Variants in HSPA4L observed in about 807,000 individuals in gnomAD.
HSPA4L encodes heat shock 70 kDa protein 4L.
In HSPA4L, 48 loss-of-function variants were observed where a neutral mutation model predicts 100.3. That is an observed-to-expected ratio of 0.48 (90% CI 0.38 to 0.61). The LOEUF is 0.61. HSPA4L is among the 20% of genes least tolerant of loss of function. The pLI, the probability that HSPA4L is intolerant of heterozygous loss-of-function variation, is 0.00. For synonymous variants in HSPA4L, 319 were observed against 328.2 expected (o/e 0.97, Z 0.30); for missense variants, 886 against 988.6 (o/e 0.90, Z 1.39).
chr4:127,782,736 C>A, intron 1 of HSPA4L, 79 bp downstream of exon 1: 2 of 1,056,680 alleles, frequency 1.9e-6, no homozygotes, highest in Non-Finnish European at 2.7e-6. Context: ...CCTGTCTGCT[C>A]GCTTCCTCGG....
intron 3 of HSPA4L, among the ~76,000 whole-genome samples, chr4:127,796,720 G>A (rs771017236): frequency 2.6e-5 from 4 of 152,060 alleles, no homozygotes; most frequent in Non-Finnish European, 5.9e-5. Flanking sequence ...GATACAAAAG[G>A]CCACATACTG....
rs1451524843 is a variant in HSPA4L, at chr4:127,813,395, T to G, written c.1578+1759T>G. On this transcript the variant is annotated intron_variant, in intron 12 of 18. Coordinates refer to ENST00000296464, the MANE Select transcript of HSPA4L (RefSeq NM_014278.4). ...TCATTTAAGGACTGTGGCTTTTTCT[T>G]TCAATCTTTCCATGTATCATTTTGT... 7 of 505,634 alleles carry G rather than the reference T, an allele frequency of 1.4e-5. No individual in the cohort carries two copies. The Admixed American group carries it at 2.4e-4, about 17-fold the overall frequency. The allele number at this position is 505,634 out of a possible 1,614,324, so 31.3% of individuals were successfully genotyped here. A position where few individuals can be genotyped will look rare whatever the true frequency, so the allele number is the denominator to read the frequency against.
intron 12 of HSPA4L, chr4:127,812,795 T>C: frequency 2.1e-6 from 3 of 1,438,370 alleles, no homozygotes; most frequent in Non-Finnish European, 2.9e-6. Flanking sequence ...TGTGCTGCTC[T>C]GGGTGGAGCA....
chr4:127,813,399 A>G (rs1279318895), intron 12 of HSPA4L: 9 of 499,824 alleles, frequency 1.8e-5, no homozygotes, highest in East Asian at 3.2e-5. Flanking sequence ...TTTTCTTTCA[A>G]TCTTTCCATG....
chr4:127,783,723 T>G, intron 1 of HSPA4L: 1 of 1,477,786 alleles, frequency 6.8e-7, no homozygotes. Context: ...TGGTCCAAAA[T>G]ATAATACCTT....
At chr4:127,796,025 A>G (rs1733012926) in intron 3 of HSPA4L, 117 bp downstream of exon 3, 1 of 793,482 alleles carries the variant, frequency 1.3e-6, no homozygotes, top group African/African-American at 1.7e-5. Flanking sequence ...TACACACCGA[A>G]GAGATAGTAG....
intron 18 of HSPA4L, among the ~76,000 whole-genome samples, chr4:127,831,988 T>C (rs1734095596): frequency 6.6e-6 from 1 of 152,206 alleles, no homozygotes; most frequent in Non-Finnish European, 1.5e-5. Flanking sequence ...ATGTGGAGTG[T>C]GACAAGAGCA....
intron 18 of HSPA4L, among the ~76,000 whole-genome samples, chr4:127,831,478 T>C (rs1012334027): frequency 7.7e-6 from 1 of 129,122 alleles, no homozygotes; most frequent in African/African-American, 3.0e-5. Flanking sequence ...GCCAGCTGGG[T>C]GACAGAGCAA....
rs1335177637 is a variant in HSPA4L, at chr4:127,803,823, G to A, written c.858G>A (p.Leu286=). ...LMSANASDLP[L]NIECFMNDLD... is the part of the protein sequence containing the mutation. ...GTGCAAATGCATCAGATCTTCCATT[G>A]AACATTGAGTGTTTCATGAATGACC... Residue 286 remains leucine, a synonymous_variant, in exon 7 of 19, where the codon TTG becomes TTA. Coordinates refer to ENST00000296464, the MANE Select transcript of HSPA4L (RefSeq NM_014278.4). 6.2e-7 allele frequency: 1 copy of A among 1,613,738 alleles called. No homozygotes were observed. Among genetic ancestry groups the A allele is most frequent in the Non-Finnish European group, 8.5e-7 (1 of 1,179,774 alleles).
intron 2 of HSPA4L, among the ~76,000 whole-genome samples, chr4:127,794,346 T>A (rs1578692762): frequency 6.6e-6 from 1 of 152,076 alleles, no homozygotes; most frequent in South Asian, 2.1e-4. Flanking sequence ...AAAAATATTT[T>A]TTAGTTGTGA....
At chr4:127,828,698 T>C (rs989035371) in intron 17 of HSPA4L, among the ~76,000 whole-genome samples, 4 of 152,108 alleles carry the variant, frequency 2.6e-5, no homozygotes, top group African/African-American at 7.2e-5. Flanking sequence ...CCTGCTAATA[T>C]CAGTGTTCAA....
chr4:127,825,293 A>G (rs1733922274), intron 16 of HSPA4L, among the ~76,000 whole-genome samples: 1 of 152,168 alleles, frequency 6.6e-6, no homozygotes, highest in African/African-American at 2.4e-5. Flanking sequence ...AGGTGGGCCC[A>G]CTTTTAACAA....
rs1733536215 is a variant in HSPA4L at position 127,811,698 on chromosome 4, A to G, written c.1578+62A>G. 11 of 1,229,304 alleles carry G rather than the reference A, an allele frequency of 8.9e-6. No individual in the cohort carries two copies. The Admixed American group carries it at 1.8e-4, about 21-fold the overall frequency. The allele number at this position is 1,229,304 out of a possible 1,614,324, so 76.1% of individuals were successfully genotyped here. ...ATAGTGTATACAGTATATCTTAATC[A>G]TAACTGGGACTTTAATAGTTGAATA... On this transcript the variant is annotated intron_variant, in intron 12 of 18. Coordinates refer to ENST00000296464, the MANE Select transcript of HSPA4L (RefSeq NM_014278.4).
chr4:127,812,644 G>A lies in HSPA4L; in HGVS notation c.1578+1008G>A. The A allele has an allele frequency of 2.3e-5, 15 of 660,648 alleles. No homozygotes were observed. In the South Asian group the frequency reaches 2.6e-4, roughly 11 times the overall value. The allele number at this position is 660,648 out of a possible 1,614,324, so 40.9% of individuals were successfully genotyped here. On this transcript the variant is annotated intron_variant, in intron 12 of 18. Transcript: ENST00000296464. The stretch of plus-strand genomic sequence containing the variant: ...ATTGGAAGTCTGCCCTAGATTTTTT[G>A]TTTGTTTGTTTTTGTTTTGTTTTGT...
intron 16 of HSPA4L, among the ~76,000 whole-genome samples, chr4:127,826,194 G>C (rs775270299): frequency 2.0e-5 from 3 of 152,096 alleles, no homozygotes; most frequent in Non-Finnish European, 4.4e-5. Context: ...ATCACTTGAA[G>C]CCAGGAGTTC....
upstream of HSPA4L, chr4:127,782,309 G>T (rs1732576844): frequency 6.0e-6 from 3 of 499,846 alleles, no homozygotes; most frequent in Non-Finnish European, 1.1e-5. Context: ...CCGGTTGGAG[G>T]CGGCCGAACC....
At chr4:127,782,173 G>C (rs1732571090), upstream of HSPA4L, 1 of 426,450 alleles carries the variant, frequency 2.3e-6, no homozygotes, top group Non-Finnish European at 4.7e-6. Context: ...GCAGCTTCTT[G>C]GGCAGCCGTT....
chr4:127,823,674 A>T (rs1447937704), intron 16 of HSPA4L, 50 bp downstream of exon 16: 1 of 1,134,274 alleles, frequency 8.8e-7, no homozygotes, highest in Non-Finnish European at 1.3e-6. Flanking sequence ...CTTTTTCTAA[A>T]AATTAGGGTG....
At chr4:127,816,367 G>C (rs1267915570) in intron 12 of HSPA4L, among the ~76,000 whole-genome samples, 1 of 152,092 alleles carries the variant, frequency 6.6e-6, no homozygotes, top group African/African-American at 2.4e-5. Context: ...TCCATTTTAA[G>C]ATGTGTAATT....
Sources: gnomAD v4.1 joint callset for allele counts (sites outside exome capture counted in the v4.1 genomes callset) on GRCh38, gnomAD v4.1.1 for gene constraint, MANE v1.5 for transcripts, NCBI Gene and HGNC (gene_info 2026-07-23, HGNC 2026-07-21) for gene names.